DLGAP1: variants seen among roughly 807,000 people sequenced by gnomAD.
DLGAP1 encodes DLG associated protein 1, also known as disks large-associated protein 1.
A neutral mutation model predicts 90.8 loss-of-function variants in DLGAP1; 11 were observed. The ratio of observed to expected loss-of-function variants is 0.12; its 90% confidence interval spans 0.08 to 0.20. The LOEUF (loss-of-function observed/expected upper bound fraction) is 0.20, where lower values mean the gene tolerates loss of function less well. Among genes scored for constraint, DLGAP1 ranks in the 10% least tolerant of loss-of-function variants. The pLI, the probability that DLGAP1 is intolerant of heterozygous loss-of-function variation, is 1.00. For synonymous variants in DLGAP1, 558 were observed against 540.7 expected, an observed-to-expected ratio of 1.03 and a Z score of -0.44; for missense variants, 1,050 against 1,333.8, an observed-to-expected ratio of 0.79 and a Z score of 3.31.
At chr18:4,145,436 G>T (rs1163565755) in intron 2 of DLGAP1, among the ~76,000 whole-genome samples, 1 of 152,152 alleles carries the variant, frequency 6.6e-6, no homozygotes. Context: ...TAGCCAACAG[G>T]ATTAAATCCT....
chr18:3,978,214 A>C, intron 3 of DLGAP1: 1 of 428,052 alleles, frequency 2.3e-6, no homozygotes, highest in East Asian at 6.2e-5. Flanking sequence ...GGCTGTTTTC[A>C]TACTTCTCAT....
chr18:3,882,627 C>T (rs966674509), intron 3 of DLGAP1, among the ~76,000 whole-genome samples: 1 of 152,034 alleles, frequency 6.6e-6, no homozygotes, highest in Non-Finnish European at 1.5e-5. Flanking sequence ...GACCTAATAG[C>T]TCAGCCTCAG....
chr18:3,705,025 A>G (rs1441435077), intron 7 of DLGAP1, among the ~76,000 whole-genome samples: 1 of 152,226 alleles, frequency 6.6e-6, no homozygotes, highest in African/African-American at 2.4e-5. Flanking sequence ...GTAATAGAGG[A>G]CAAAAGTGTG....
At chr18:3,670,827 A>C (rs1177823301) in intron 7 of DLGAP1, among the ~76,000 whole-genome samples, 2 of 152,226 alleles carry the variant, frequency 1.3e-5, no homozygotes, top group Non-Finnish European at 2.9e-5. Flanking sequence ...AAATCATCTA[A>C]CATTAACTGT....
At chr18:3,698,934 G>C (rs1231590425) in intron 7 of DLGAP1, among the ~76,000 whole-genome samples, 2 of 151,672 alleles carry the variant, frequency 1.3e-5, no homozygotes, top group Admixed American at 6.6e-5. Context: ...TGATCGATTT[G>C]GCTATTGATA....
At chr18:3,619,445 G>A (rs1197771885) in intron 7 of DLGAP1, among the ~76,000 whole-genome samples, 2 of 152,180 alleles carry the variant, frequency 1.3e-5, no homozygotes, top group Non-Finnish European at 2.9e-5. Context: ...AAGGTCTCTT[G>A]ACTCAAAAGG....
chr18:3,880,718 G>A (rs1346986971), intron 3 of DLGAP1, among the ~76,000 whole-genome samples: 1 of 151,890 alleles, frequency 6.6e-6, no homozygotes, highest in Non-Finnish European at 1.5e-5. Flanking sequence ...CAAGGAGGGC[G>A]GATCACCTGA....
At position 4,427,078 on chromosome 18, in the gene DLGAP1, G is replaced by A. The variant is rs554783432; in HGVS notation, c.-267+27928C>T. Among the ~76,000 whole-genome samples, 82 of 152,282 alleles carry A rather than the reference G, an allele frequency of 5.4e-4. 1 individual carries two copies. In the South Asian group the frequency reaches 0.013, roughly 23 times the overall value. ...TTTGGTGTGATATATGAAGATGCAT[G>A]AAAACTAAGAAAGAAAACTTTCAGA... On this transcript the variant is annotated intron_variant, in intron 1 of 12. Coordinates refer to ENST00000315677, the MANE Select transcript of DLGAP1 (RefSeq NM_004746.4).
chr18:3,646,387 A>AAAAAAG (rs1240477685), intron 7 of DLGAP1, among the ~76,000 whole-genome samples: 1 of 152,012 alleles, frequency 6.6e-6, no homozygotes, highest in African/African-American at 2.4e-5. Flanking sequence ...CCTGTTTCCA[A>AAAAAAG]AAAAAGAAAA....
chr18:4,177,237 A>C (rs994014747), intron 1 of DLGAP1, among the ~76,000 whole-genome samples: 1 of 152,074 alleles, frequency 6.6e-6, no homozygotes, highest in Non-Finnish European at 1.5e-5. Flanking sequence ...ACTTTGTCCC[A>C]CAATTGTGCA....
At chr18:3,890,245 C>T (rs1317804183) in intron 3 of DLGAP1, among the ~76,000 whole-genome samples, 2 of 152,218 alleles carry the variant, frequency 1.3e-5, no homozygotes, top group Non-Finnish European at 2.9e-5. Context: ...GGCTTGGATA[C>T]ATTATGCATG....
chr18:3,975,047 T>C (rs1284814801), intron 3 of DLGAP1, among the ~76,000 whole-genome samples: 2 of 151,708 alleles, frequency 1.3e-5, no homozygotes, highest in Non-Finnish European at 2.9e-5. Flanking sequence ...AAATGGGGAG[T>C]TGTTATTTAA....
intron 1 of DLGAP1, among the ~76,000 whole-genome samples, chr18:4,164,036 T>C (rs547357063): frequency 3.5e-4 from 53 of 152,170 alleles, no homozygotes; most frequent in African/African-American, 1.3e-3. Flanking sequence ...GAGTGGAAAC[T>C]CTGGCAGCAC....
At chr18:3,725,555 TATTC>T (rs1403602236) in intron 7 of DLGAP1, among the ~76,000 whole-genome samples, 1 of 152,226 alleles carries the variant, frequency 6.6e-6, no homozygotes, top group African/African-American at 2.4e-5. Flanking sequence ...CCTACCCTGA[TATTC>T]CTACTGTAAT....
chr18:3,808,924 A>G (rs2066695057), intron 5 of DLGAP1, among the ~76,000 whole-genome samples: 1 of 152,230 alleles, frequency 6.6e-6, no homozygotes, highest in African/African-American at 2.4e-5. Flanking sequence ...AAGTTGAAGA[A>G]GAACACTCCA....
chr18:4,159,349 A>G (rs964558), intron 1 of DLGAP1, among the ~76,000 whole-genome samples: 23,775 of 152,066 alleles, frequency 0.16, 2,080 homozygotes, highest in East Asian at 0.27. Flanking sequence ...TTCCTTCTCC[A>G]ATACTGTAAA....
At chr18:3,906,049 T>C (rs1250347030) in intron 3 of DLGAP1, among the ~76,000 whole-genome samples, 1 of 152,180 alleles carries the variant, frequency 6.6e-6, no homozygotes, top group Non-Finnish European at 1.5e-5. Context: ...CTTTTATAGA[T>C]TAGGAAACGG....
At chr18:3,996,129 A>G (rs1360520392) in intron 3 of DLGAP1, among the ~76,000 whole-genome samples, 1 of 152,146 alleles carries the variant, frequency 6.6e-6, no homozygotes, top group Non-Finnish European at 1.5e-5. Context: ...GTAAAGATGG[A>G]AGAGAGAAAA....
intron 1 of DLGAP1, among the ~76,000 whole-genome samples, chr18:4,155,636 T>C (rs2076743393): frequency 6.6e-6 from 1 of 152,190 alleles, no homozygotes. Flanking sequence ...TATTAAAAGA[T>C]ATATGTCCAG....
Sources: allele counts gnomAD v4.1 joint callset (sites outside exome capture counted in the v4.1 genomes callset), GRCh38; gene constraint gnomAD v4.1.1; transcripts MANE v1.5; gene names NCBI Gene and HGNC (gene_info 2026-07-23, HGNC 2026-07-21).